Variants in KLK3 observed in about 807,000 individuals in gnomAD.
KLK3 encodes prostate-specific antigen.
Under a neutral mutation model 27.7 loss-of-function variants are expected in KLK3, and 23 were observed. That is an observed-to-expected ratio of 0.83 (90% confidence interval 0.60 to 1.17). The LOEUF is 1.17. Ranked by LOEUF, KLK3 falls within the 50% of genes most tolerant of loss-of-function variation. The pLI is 0.00. For synonymous variants in KLK3, 142 were observed against 134.2 expected (o/e 1.06, Z -0.40); for missense variants, 322 against 338.1 (o/e 0.95, Z 0.37).
intron 2 of KLK3, chr19:50,857,339 A>C (rs1341944938): frequency 4.6e-5 from 7 of 152,434 alleles, no homozygotes; most frequent in Non-Finnish European, 8.8e-5. Context: ...TGGGAGGGGC[A>C]ATTGAGGGAG....
rs578067733 is a variant in KLK3, at chr19:50,857,142, GA to G, written c.206+744del. Reference sequence around the variant, plus strand: ...CGTGCCACTGCACTCCAGCCTGGGTGACAGAGTGAGACTCCGCCTCAAAAAA... The same window carrying G: ...CGTGCCACTGCACTCCAGCCTGGGTGCAGAGTGAGACTCCGCCTCAAAAAA... On this transcript the variant is annotated intron_variant, in intron 2 of 4. Coordinates refer to ENST00000326003, the MANE Select transcript of KLK3 (RefSeq NM_001648.2). Among the ~76,000 whole-genome samples, 2,428 of 121,944 alleles carry G rather than the reference GA, an allele frequency of 0.02. 246 individuals are homozygous for G. The East Asian group carries it at 0.29, about 15-fold the overall frequency. 80.0% of individuals were successfully genotyped at this position (121,944 alleles called of 152,430 possible).
In KLK3 at chr19:50,855,326, G is replaced by T. The variant is rs145110367; in HGVS notation, c.46+325G>T. The T allele has an allele frequency of 4.5e-4, 187 of 412,326 alleles. 1 individual carries two copies. The highest frequency in any genetic ancestry group is 3.5e-3 in the African/African-American group (174 of 49,564). The allele number at this position is 412,326 out of a possible 1,614,324, so 25.5% of individuals were successfully genotyped here. ...TCTTTGTGGGGCTCAAAACCTCCAA[G>T]GACCTCTCTCAATGCCATTGGTTCC... On this transcript the variant is annotated intron_variant, in intron 1 of 4. Transcript: ENST00000326003.
In KLK3 at chr19:50,860,071, A is replaced by G. The variant is rs1404276282; in HGVS notation, c.730A>G (p.Thr244Ala). Residue 244 changes from threonine to alanine, a missense_variant, in exon 5 of 5, where the codon ACC (threonine) becomes GCC (alanine). By Grantham distance (58) the Thr-to-Ala change is moderately conservative. Coordinates refer to ENST00000326003, the MANE Select transcript of KLK3 (RefSeq NM_001648.2). ...CALPERPSLYTKVVHYRKWIK... is the reference protein window; with the variant it reads ...CALPERPSLYAKVVHYRKWIK... ...CCTGCCCGAAAGGCCTTCCCTGTAC[A>G]CCAAGGTGGTGCATTACCGGAAGTG... is the stretch of plus-strand genomic sequence containing the variant. 8 of 1,613,926 alleles carry G rather than the reference A, an allele frequency of 5.0e-6. No individual in the cohort carries two copies. Among genetic ancestry groups the G allele is most frequent in the African/African-American group, 1.3e-5 (1 of 74,906 alleles).
In KLK3 at chr19:50,858,302, T is replaced by C. The variant is rs748662283; in HGVS notation, c.480T>C (p.Ile160=). Residue 160 remains isoleucine, a synonymous_variant, in exon 3 of 5, where the codon ATT becomes ATC. Coordinates refer to ENST00000326003, the MANE Select transcript of KLK3 (RefSeq NM_001648.2). Reference sequence around the variant, plus strand: ...GCTACGCCTCAGGCTGGGGCAGCATTGAACCAGAGGAGTGTACGCCTGGGC... The same window carrying C: ...GCTACGCCTCAGGCTGGGGCAGCATCGAACCAGAGGAGTGTACGCCTGGGC... The part of the protein sequence containing the change: ...TTCYASGWGS[I]EPEEFLTPKK... 10 of 1,613,498 alleles carry C rather than the reference T, an allele frequency of 6.2e-6. No homozygotes were observed. Among genetic ancestry groups the C allele is most frequent in the East Asian group, 2.2e-5 (1 of 44,868 alleles).
chr19:50,855,363 C>T, intron 1 of KLK3: 1 of 290,526 alleles, frequency 3.4e-6, no homozygotes, highest in South Asian at 5.3e-5. Flanking sequence ...TGGACCGTAT[C>T]ACTGGTCCAC....
chr19:50,860,494 T>C lies in KLK3; in HGVS notation c.*367T>C, dbSNP rs1402671702. The C allele has an allele frequency of 6.0e-6, 1 of 166,320 alleles. No homozygotes were observed. Among genetic ancestry groups the C allele is most frequent in the Non-Finnish European group, 1.3e-5 (1 of 77,736 alleles). The allele number at this position is 166,320 out of a possible 1,614,324, so 10.3% of individuals were successfully genotyped here. ...TGTCCATGAAGCACTGAGCAGAAGC[T>C]GGAGGCACAACGCACCAGACACTCA... is the stretch of plus-strand genomic sequence containing the variant. On this transcript the variant is annotated 3_prime_UTR_variant, in exon 5 of 5. Transcript: ENST00000326003.
chr19:50,858,314 G>C lies in KLK3; in HGVS notation c.492G>C (p.Glu164Asp), dbSNP rs763023030. 6 of 1,611,664 alleles carry C rather than the reference G, an allele frequency of 3.7e-6. No individual in the cohort carries two copies. In the African/African-American group the frequency reaches 8.0e-5, roughly 22 times the overall value. The change falls in exon 3 of 5, where the codon GAG becomes GAC. Residue 164 changes from glutamate (E) to aspartate (D), a missense_variant and splice_region_variant. Glu to Asp is a conservative substitution (Grantham distance 45). Coordinates refer to ENST00000326003, the MANE Select transcript of KLK3 (RefSeq NM_001648.2). ...GCTGGGGCAGCATTGAACCAGAGGA[G>C]TGTACGCCTGGGCCAGATGGTGCAG... ...ASGWGSIEPE[E>D]FLTPKKLQCV...
intron 3 of KLK3, 52 bp from the exon 4 acceptor site, chr19:50,858,407 C>T: frequency 6.2e-7 from 1 of 1,611,154 alleles, no homozygotes; most frequent in Non-Finnish European, 8.5e-7. Flanking sequence ...GGAGGAGGGC[C>T]AAGGAACCAG....
In KLK3 at chr19:50,860,174, T is replaced by C; in HGVS notation, c.*47T>C. On this transcript the variant is annotated 3_prime_UTR_variant, in exon 5 of 5. Transcript: ENST00000326003. ...TGTAGTAAACTTGGAACCTTGGAAATGACCAGGCCAAGACTCAAGCCTCCC... is the reference window on the plus strand; with the variant it reads ...TGTAGTAAACTTGGAACCTTGGAAACGACCAGGCCAAGACTCAAGCCTCCC... The C allele has an allele frequency of 1.4e-6, 2 of 1,480,146 alleles. No individual in the cohort carries two copies. Among genetic ancestry groups the C allele is most frequent in the South Asian group, 2.4e-5 (2 of 84,282 alleles). 91.7% of individuals were successfully genotyped at this position (1,480,146 alleles called of 1,614,324 possible).
Position 50,858,814 on chromosome 19 carries a change from A to G in KLK3, c.630+219A>G, listed in dbSNP as rs976224049. On this transcript the variant is annotated intron_variant, in intron 4 of 4. Coordinates refer to ENST00000326003, the MANE Select transcript of KLK3 (RefSeq NM_001648.2). ...GCACAACTCATCTGTTCCTGCGTTC[A>G]GCACACGGTTACTAGGCACCTGCTA... The G allele has an allele frequency of 3.1e-5, 19 of 614,886 alleles. No homozygotes were observed. In the Admixed American group the frequency reaches 5.3e-4, roughly 17 times the overall value. 38.1% of individuals were successfully genotyped at this position (614,886 alleles called of 1,614,324 possible). A position where few individuals can be genotyped will look rare whatever the true frequency, so the allele number is the denominator to read the frequency against.
chr19:50,858,928 G>A lies in KLK3; in HGVS notation c.630+333G>A, dbSNP rs1162529619. Reference sequence around the variant, plus strand: ...TTCTGTAGCCCCCAAGCCAGTGAGGGGCACAGGCAGGAACAGGGACCACAA... The same window carrying A: ...TTCTGTAGCCCCCAAGCCAGTGAGGAGCACAGGCAGGAACAGGGACCACAA... On this transcript the variant is annotated intron_variant, in intron 4 of 4. Transcript: ENST00000326003. 7 of 468,756 alleles carry A rather than the reference G, an allele frequency of 1.5e-5. No homozygotes were observed. The Admixed American group carries it at 2.6e-4, about 17-fold the overall frequency. 29.0% of individuals were successfully genotyped at this position (468,756 alleles called of 1,614,324 possible).
At chr19:50,857,005 T>C (rs1599991577) in intron 2 of KLK3, among the ~76,000 whole-genome samples, 1 of 151,058 alleles carries the variant, frequency 6.6e-6, no homozygotes, top group Non-Finnish European at 1.5e-5. Flanking sequence ...CTACTAAAAA[T>C]ACAAAAAATT....
At chr19:50,859,937 G>A in intron 4 of KLK3, 35 bp from the exon 5 acceptor site, 1 of 1,585,408 alleles carries the variant, frequency 6.3e-7, no homozygotes, top group Non-Finnish European at 8.6e-7. Context: ...AACTGGGACT[G>A]ACCTATCTCA....
intron 4 of KLK3, chr19:50,858,876 G>A (rs541729980): frequency 7.3e-6 from 4 of 549,304 alleles, no homozygotes; most frequent in Non-Finnish European, 1.3e-5. Context: ...GGACATAGCA[G>A]TGAACAGACA....
In KLK3 at chr19:50,854,915, A is replaced by G; in HGVS notation, c.-41A>G. 1 of 1,611,560 alleles carries G rather than the reference A, an allele frequency of 6.2e-7. No individual in the cohort carries two copies. The highest frequency in any genetic ancestry group is 2.2e-5 in the East Asian group (1 of 44,860). ...ATAGGGCTCCTGGGGGAGGCTCCCC[A>G]GCCCCAAGCTTACCACCTGCACCCG... On this transcript the variant is annotated 5_prime_UTR_variant, in exon 1 of 5. Coordinates refer to ENST00000326003, the MANE Select transcript of KLK3 (RefSeq NM_001648.2).
At position 50,858,450 on chromosome 19, in the gene KLK3, G is replaced by A. The variant is rs2123460352; in HGVS notation, c.494-9G>A. The A allele has an allele frequency of 6.2e-7, 1 of 1,614,164 alleles. No individual in the cohort carries two copies. The highest frequency in any genetic ancestry group is 1.3e-5 in the African/African-American group (1 of 75,050). ...CCAGCCCACAACAGTGTTTTTGCCTGGCCCGTAGTCTTGACCCCAAAGAAA... is the reference window on the plus strand; with the variant it reads ...CCAGCCCACAACAGTGTTTTTGCCTAGCCCGTAGTCTTGACCCCAAAGAAA... On this transcript the variant is annotated splice_polypyrimidine_tract_variant and intron_variant, in intron 3 of 4. Coordinates refer to ENST00000326003, the MANE Select transcript of KLK3 (RefSeq NM_001648.2).
At chr19:50,859,740 C>G in intron 4 of KLK3, 1 of 1,517,052 alleles carries the variant, frequency 6.6e-7, no homozygotes, top group Non-Finnish European at 8.9e-7. Context: ...CTCCCCTCTG[C>G]ACAGGAGCTG....
At chr19:50,855,072 C>A (rs751675209) in intron 1 of KLK3, 71 bp downstream of exon 1, 11 of 1,538,972 alleles carry the variant, frequency 7.1e-6, no homozygotes, top group Non-Finnish European at 9.0e-6. Context: ...AGGCTCTTTC[C>A]CCCCCAACCC....
Position 50,856,416 on chromosome 19 carries a change from G to A in KLK3, c.206+17G>A. ...CATCAGGAAGTGAGTAGGGGCCTGG[G>A]GTCTGGGGAGCAGGTGTCTGTGTCC... On this transcript the variant is annotated intron_variant, in intron 2 of 4. Coordinates refer to ENST00000326003, the MANE Select transcript of KLK3 (RefSeq NM_001648.2). 5 of 1,611,380 alleles carry A rather than the reference G, an allele frequency of 3.1e-6. No individual in the cohort carries two copies. The highest frequency in any genetic ancestry group is 4.2e-6 in the Non-Finnish European group (5 of 1,178,706).
Sources: allele counts gnomAD v4.1 joint callset (sites outside exome capture counted in the v4.1 genomes callset), GRCh38; gene constraint gnomAD v4.1.1; transcripts MANE v1.5; gene names NCBI Gene and HGNC (gene_info 2026-07-23, HGNC 2026-07-21).